Variants in GLG1 observed in about 807,000 individuals in gnomAD.
The protein encoded by GLG1 is Golgi apparatus protein 1.
A neutral mutation model predicts 160.5 loss-of-function variants in GLG1; 38 were observed. That is an observed-to-expected ratio of 0.24 (90% CI 0.18 to 0.31). GLG1 has a LOEUF of 0.31. GLG1 is among the 10% of genes least tolerant of loss of function. The pLI is 1.00. For missense variants in GLG1, 1,373 were observed against 1,505.2 expected (o/e 0.91, Z 1.45); for synonymous variants, 644 against 543.4 (o/e 1.19, Z -2.57).
intron 1 of GLG1, among the ~76,000 whole-genome samples, chr16:74,536,528 G>A (rs1031797981): frequency 1.3e-5 from 2 of 152,078 alleles, no homozygotes; most frequent in Non-Finnish European, 2.9e-5. Flanking sequence ...TTAAAATAGC[G>A]AAATCAAACA....
chr16:74,454,394 C>T (rs888315267), intron 25 of GLG1, among the ~76,000 whole-genome samples: 1 of 151,032 alleles, frequency 6.6e-6, no homozygotes, highest in African/African-American at 2.4e-5. Context: ...TTTGGCCAGG[C>T]ATGGTGGCTC....
chr16:74,480,336 G>A lies in GLG1; in HGVS notation c.1732C>T (p.His578Tyr), dbSNP rs762294481. The A allele has an allele frequency of 3.4e-5, 55 of 1,612,996 alleles. No homozygotes were observed. The highest frequency in any genetic ancestry group is 4.6e-5 in the Non-Finnish European group (54 of 1,179,020). The change falls in exon 11 of 26, where the codon CAC (histidine) becomes TAC (tyrosine). Residue 578 changes from histidine to tyrosine, a missense_variant. Coordinates refer to ENST00000422840, the MANE Select transcript of GLG1 (RefSeq NM_001145667.2). ...AATTCACTGGTCTCATTCCAACCGTGGGTGTGGCAAAGACGAGAAGCGTCT... is the reference window on the plus strand; with the variant it reads ...AATTCACTGGTCTCATTCCAACCGTAGGTGTGGCAAAGACGAGAAGCGTCT... ...QGDASRLCHT[H>Y]GWNETSEFMP...
intron 3 of GLG1, among the ~76,000 whole-genome samples, chr16:74,507,986 G>A (rs1180775898): frequency 2.0e-5 from 3 of 151,810 alleles, no homozygotes; most frequent in South Asian, 2.1e-4. Context: ...GAAGCCCCAA[G>A]GTAAATATGA....
At chr16:74,467,172 A>C (rs2015030448) in intron 18 of GLG1, among the ~76,000 whole-genome samples, 1 of 152,272 alleles carries the variant, frequency 6.6e-6, no homozygotes, top group Non-Finnish European at 1.5e-5. Context: ...CATCAGCAAC[A>C]GTCTGATACA....
intron 4 of GLG1, among the ~76,000 whole-genome samples, chr16:74,498,472 T>TA (rs1361056131): frequency 1.1e-3 from 33 of 30,742 alleles, no homozygotes; most frequent in African/African-American, 2.4e-3. Context: ...ATATATTATA[T>TA]TTTATATATA....
intron 1 of GLG1, among the ~76,000 whole-genome samples, chr16:74,568,046 C>G (rs2018709742): frequency 6.6e-6 from 1 of 152,186 alleles, no homozygotes; most frequent in Admixed American, 6.5e-5. Flanking sequence ...GGTTCAGGGA[C>G]TCAGACAATG....
At chr16:74,498,747 C>G (rs901768029) in intron 4 of GLG1, among the ~76,000 whole-genome samples, 88 of 149,272 alleles carry the variant, frequency 5.9e-4, no homozygotes, top group African/African-American at 2.0e-3. Context: ...TACCTATAAC[C>G]CCAGCTACTC....
intron 1 of GLG1, among the ~76,000 whole-genome samples, chr16:74,600,329 G>A (rs529157926): frequency 6.6e-6 from 1 of 151,628 alleles, no homozygotes; most frequent in Admixed American, 6.6e-5. Flanking sequence ...GGAGTTTGAG[G>A]TTGCAGTGAG....
At chr16:74,463,018 A>C (rs889651282) in intron 20 of GLG1, 1 of 418,976 alleles carries the variant, frequency 2.4e-6, no homozygotes, top group African/African-American at 2.0e-5. Flanking sequence ...TCAGAGGTGA[A>C]ATGTTTCTGT....
At chr16:74,593,430 C>CTTTTTT (rs11342633) in intron 1 of GLG1, among the ~76,000 whole-genome samples, 2 of 96,416 alleles carry the variant, frequency 2.1e-5, no homozygotes, top group Non-Finnish European at 4.1e-5. Flanking sequence ...AGTACCAGAG[C>CTTTTTT]TTTTTTTTTT....
chr16:74,494,403 C>CTTTTTTT (rs3973383), intron 6 of GLG1, among the ~76,000 whole-genome samples: 1 of 70,130 alleles, frequency 1.4e-5, no homozygotes, highest in Non-Finnish European at 2.5e-5. Flanking sequence ...ATTGAGAAAG[C>CTTTTTTT]TTTTTTTTTT....
intron 1 of GLG1, chr16:74,552,674 T>C (rs2549027): frequency 0.63 from 98,877 of 157,258 alleles, 32,266 homozygotes; most frequent in East Asian, 0.78. Flanking sequence ...AAGCCGAGGC[T>C]GGGGTTGGGT....
chr16:74,522,566 TTTTC>T (rs769470868), intron 2 of GLG1, among the ~76,000 whole-genome samples: 2 of 152,242 alleles, frequency 1.3e-5, no homozygotes, highest in Non-Finnish European at 2.9e-5. Context: ...TTCCACTGGC[TTTTC>T]TTTGTTGCTC....
intron 25 of GLG1, among the ~76,000 whole-genome samples, 157 bp from the exon 26 acceptor site, chr16:74,453,491 CTT>C (rs1024855782): frequency 5.3e-5 from 8 of 152,176 alleles, no homozygotes; most frequent in Admixed American, 2.6e-4. Flanking sequence ...AGCTACAACT[CTT>C]TTTCCTGATC....
chr16:74,502,012 C>A (rs899355494), intron 4 of GLG1, among the ~76,000 whole-genome samples: 38 of 152,190 alleles, frequency 2.5e-4, no homozygotes, highest in Non-Finnish European at 3.2e-4. Flanking sequence ...CCAGACAATA[C>A]ACAGCAAGAA....
intron 1 of GLG1, among the ~76,000 whole-genome samples, chr16:74,581,203 G>A (rs1463043139): frequency 6.6e-6 from 1 of 152,168 alleles, no homozygotes; most frequent in African/African-American, 2.4e-5. Context: ...CACATTCACA[G>A]CAGCATTATT....
chr16:74,457,849 A>C (rs756435547), intron 24 of GLG1, 25 bp downstream of exon 24: 1 of 1,612,062 alleles, frequency 6.2e-7, no homozygotes. Flanking sequence ...TTCAGACAGG[A>C]TCAAGAGTGA....
rs1299811563 is a variant in GLG1, at chr16:74,494,810, C to T, written c.1000G>A (p.Val334Met). 6.7e-7 allele frequency: 1 copy of T among 1,500,478 alleles called. No individual in the cohort carries two copies. The highest frequency in any genetic ancestry group is 1.7e-5 in the Admixed American group (1 of 59,872). 92.9% of individuals were successfully genotyped at this position (1,500,478 alleles called of 1,614,324 possible). The part of the protein sequence containing the change: ...CENTQAGEGR[V>M]YKCLFNHKFE... The stretch of plus-strand genomic sequence containing the variant: ...TTATGGTTAAAGAGGCACTTATACA[C>T]TCTGCCCTCACCAGCTTGTGTCTAT... The change falls in exon 6 of 26, where the codon GTG becomes ATG. Residue 334 changes from valine (V) to methionine (M), a missense_variant. Transcript: ENST00000422840.
rs755105735 is a variant in GLG1 at position 74,494,721 on chromosome 16, A to C, written c.1050+39T>G. ...TGTCTGGCTGAGAAAGCTTTTAAAA[A>C]ACAAATAAAACATTCATTAGTTTCA... is the stretch of plus-strand genomic sequence containing the variant. On this transcript the variant is annotated intron_variant, in intron 6 of 25. Transcript: ENST00000422840. 1.0e-5 allele frequency: 10 copies of C among 975,574 alleles called. No individual in the cohort carries two copies. The South Asian group carries it at 1.3e-4, about 12-fold the overall frequency. The allele number at this position is 975,574 out of a possible 1,614,324, so 60.4% of individuals were successfully genotyped here. A position where few individuals can be genotyped will look rare whatever the true frequency, so the allele number is the denominator to read the frequency against.
Sources: gnomAD v4.1 joint callset for allele counts (sites outside exome capture counted in the v4.1 genomes callset) on GRCh38, gnomAD v4.1.1 for gene constraint, MANE v1.5 for transcripts, NCBI Gene and HGNC (gene_info 2026-07-23, HGNC 2026-07-21) for gene names.